MTBP: variants seen among roughly 807,000 people sequenced by gnomAD.
MTBP encodes mdm2-binding protein.
A neutral mutation model predicts 117.0 loss-of-function variants in MTBP; 101 were observed. That is an observed-to-expected ratio of 0.86 (90% CI 0.73 to 1.02). The LOEUF is 1.02. Among genes scored for constraint, MTBP ranks in the 50% least tolerant of loss-of-function variants. MTBP has a pLI of 0.00. For synonymous variants in MTBP, 350 were observed against 351.5 expected (o/e 1.00, Z 0.05); for missense variants, 970 against 1,030.9 (o/e 0.94, Z 0.81).
chr8:120,461,324 C>A, intron 9 of MTBP, 69 bp downstream of exon 9: 1 of 1,095,620 alleles, frequency 9.1e-7, no homozygotes, highest in South Asian at 1.3e-5. Context: ...CTGGTATTGT[C>A]AGGTAAATAT....
chr8:120,508,807 C>T (rs1445113659), intron 16 of MTBP, among the ~76,000 whole-genome samples: 1 of 152,122 alleles, frequency 6.6e-6, no homozygotes, highest in Non-Finnish European at 1.5e-5. Context: ...TGCATAATTT[C>T]CCCATTTCCT....
intron 2 of MTBP, among the ~76,000 whole-genome samples, chr8:120,447,288 T>G (rs2130500329): frequency 6.6e-6 from 1 of 152,216 alleles, no homozygotes; most frequent in African/African-American, 2.4e-5. Flanking sequence ...GAGAACCTCT[T>G]GTCTCTCGGT....
At chr8:120,486,947 T>G (rs1814234166) in intron 11 of MTBP, among the ~76,000 whole-genome samples, 1 of 152,220 alleles carries the variant, frequency 6.6e-6, no homozygotes, top group Non-Finnish European at 1.5e-5. Flanking sequence ...GTGCTTGTAT[T>G]GCTGGGGAGT....
At chr8:120,512,745 C>T (rs955020777) in intron 17 of MTBP, among the ~76,000 whole-genome samples, 2 of 152,002 alleles carry the variant, frequency 1.3e-5, no homozygotes, top group Non-Finnish European at 2.9e-5. Flanking sequence ...GCTCATTAAA[C>T]TGGGGACATT....
rs1586941200 is a variant in MTBP, at chr8:120,459,246, G to T, written c.779G>T (p.Cys260Phe). 6.2e-7 allele frequency: 1 copy of T among 1,609,728 alleles called. No homozygotes were observed. Residue 260 changes from cysteine (C) to phenylalanine (F), a missense_variant, in exon 8 of 22, where the codon TGT becomes TTT. Cys to Phe is a radical substitution (Grantham distance 205, BLOSUM62 -2). Coordinates refer to ENST00000305949, the MANE Select transcript of MTBP (RefSeq NM_022045.5). Reference protein sequence around the residue: ...FGFEISFPEFCLKGVTLKNFS... With the variant: ...FGFEISFPEFFLKGVTLKNFS... ...TTTGAAATTAGTTTTCCTGAATTTT[G>T]TTTAAAGGGAGTCACACTTAAGAAT...
chr8:120,487,119 T>C (rs1814237926), intron 11 of MTBP, among the ~76,000 whole-genome samples: 1 of 152,164 alleles, frequency 6.6e-6, no homozygotes, highest in Non-Finnish European at 1.5e-5. Flanking sequence ...CCAAAGACAC[T>C]TTGTTTTACC....
intron 13 of MTBP, among the ~76,000 whole-genome samples, chr8:120,494,596 T>C (rs1814414073): frequency 1.3e-5 from 2 of 152,226 alleles, no homozygotes; most frequent in Non-Finnish European, 2.9e-5. Flanking sequence ...TATCTTAACA[T>C]CTAACTATGG....
At chr8:120,512,609 T>C (rs1014700487) in intron 17 of MTBP, among the ~76,000 whole-genome samples, 2 of 152,158 alleles carry the variant, frequency 1.3e-5, no homozygotes, top group African/African-American at 4.8e-5. Flanking sequence ...TATTAACTTA[T>C]ACACATACAA....
chr8:120,463,427 C>T (rs894183401), intron 9 of MTBP, among the ~76,000 whole-genome samples: 1 of 152,044 alleles, frequency 6.6e-6, no homozygotes, highest in African/African-American at 2.4e-5. Flanking sequence ...TATTTAGGAG[C>T]TACAGTTTTT....
chr8:120,487,922 T>G (rs770851908), intron 11 of MTBP, among the ~76,000 whole-genome samples: 1 of 152,250 alleles, frequency 6.6e-6, no homozygotes, highest in Non-Finnish European at 1.5e-5. Flanking sequence ...TATCAAAAGT[T>G]AAAGAATGAG....
At chr8:120,460,272 A>G (rs1484046731) in intron 8 of MTBP, among the ~76,000 whole-genome samples, 1 of 152,174 alleles carries the variant, frequency 6.6e-6, no homozygotes, top group African/African-American at 2.4e-5. Context: ...TTCTTCAAGT[A>G]TGAATAATGT....
intron 17 of MTBP, among the ~76,000 whole-genome samples, chr8:120,513,201 G>T (rs1289464543): frequency 1.3e-5 from 2 of 152,000 alleles, no homozygotes; most frequent in African/African-American, 4.8e-5. Flanking sequence ...GGCTCTCATT[G>T]CTTTGAAACT....
At chr8:120,486,075 A>T (rs7017154) in intron 11 of MTBP, among the ~76,000 whole-genome samples, 81,385 of 152,016 alleles carry the variant, frequency 0.54, 24,814 homozygotes, top group Non-Finnish European at 0.67. Flanking sequence ...TTTAAATTTG[A>T]TTCATTTTTG....
intron 14 of MTBP, among the ~76,000 whole-genome samples, chr8:120,498,047 GAGT>G (rs1814505679): frequency 6.6e-6 from 1 of 152,184 alleles, no homozygotes; most frequent in African/African-American, 2.4e-5. Context: ...CCGCTTTCCT[GAGT>G]TCCAGTGTTG....
chr8:120,498,191 A>T (rs1451397849), intron 14 of MTBP, among the ~76,000 whole-genome samples: 2 of 152,138 alleles, frequency 1.3e-5, no homozygotes, highest in Non-Finnish European at 2.9e-5. Flanking sequence ...CTGTTTCGTC[A>T]TGTTTAAAAT....
At chr8:120,491,508 G>C (rs1395677033) in intron 13 of MTBP, among the ~76,000 whole-genome samples, 1 of 152,078 alleles carries the variant, frequency 6.6e-6, no homozygotes. Flanking sequence ...CAAGGAAGGT[G>C]TAATTAGAAA....
chr8:120,465,128 C>T (rs1484453178), intron 10 of MTBP, among the ~76,000 whole-genome samples: 2 of 152,102 alleles, frequency 1.3e-5, no homozygotes, highest in African/African-American at 4.8e-5. Context: ...TACCCTGCTT[C>T]TATTTTAATC....
intron 2 of MTBP, among the ~76,000 whole-genome samples, chr8:120,450,281 A>G (rs978402093): frequency 6.6e-6 from 1 of 152,152 alleles, no homozygotes; most frequent in African/African-American, 2.4e-5. Flanking sequence ...TCCTGAGAGG[A>G]TGTTACAGGG....
At chr8:120,477,984 C>A (rs1264567270) in intron 11 of MTBP, among the ~76,000 whole-genome samples, 2 of 152,164 alleles carry the variant, frequency 1.3e-5, no homozygotes, top group Non-Finnish European at 2.9e-5. Flanking sequence ...TTCACAATAG[C>A]AAAGACTTGG....
Sources: allele counts gnomAD v4.1 joint callset (sites outside exome capture counted in the v4.1 genomes callset), GRCh38; gene constraint gnomAD v4.1.1; transcripts MANE v1.5; gene names NCBI Gene and HGNC (gene_info 2026-07-23, HGNC 2026-07-21).